Variants in PFKP observed in about 807,000 individuals in gnomAD.
PFKP encodes phosphofructokinase, platelet.
In PFKP, 101 loss-of-function variants were observed where a neutral mutation model predicts 94.3. The observed-to-expected ratio is 1.07, with a 90% CI of 0.91 to 1.26. The LOEUF (loss-of-function observed/expected upper bound fraction) is 1.26. PFKP is among the 50% of genes most tolerant of loss of function. PFKP has a pLI of 0.00. For synonymous variants in PFKP, 573 were observed against 432.6 expected, an observed-to-expected ratio of 1.32 and a Z score of -4.03; for missense variants, 1,145 against 1,103.3, an observed-to-expected ratio of 1.04 and a Z score of -0.53.
Position 3,123,308 on chromosome 10 carries a change from G to T in PFKP, c.1683+3264G>T, listed in dbSNP as rs932163847. ...GCCGTCAGCTGCCGCGAAGGTGGCA[G>T]TGACCACAGCCTCGTGACTGATTCA... is the stretch of plus-strand genomic sequence containing the variant. On this transcript the variant is annotated intron_variant, in intron 16 of 21. Coordinates refer to ENST00000381125, the MANE Select transcript of PFKP (RefSeq NM_002627.5). Among the ~76,000 whole-genome samples the T allele has an allele frequency of 2.0e-5, 3 of 152,372 alleles. No individual in the cohort carries two copies. The South Asian group carries it at 6.2e-4, about 32-fold the overall frequency.
At chr10:3,097,279 G>T (rs986621544) in intron 2 of PFKP, among the ~76,000 whole-genome samples, 2 of 151,812 alleles carry the variant, frequency 1.3e-5, no homozygotes, top group Non-Finnish European at 1.5e-5. Flanking sequence ...GTGAGTCCTT[G>T]TGTGGACAGA....
intron 16 of PFKP, among the ~76,000 whole-genome samples, chr10:3,124,134 C>T (rs9423478): frequency 0.25 from 37,827 of 152,166 alleles, 4,681 homozygotes; most frequent in South Asian, 0.28. Flanking sequence ...GGCTGCAGAG[C>T]CCAGATCGCT....
intron 2 of PFKP, among the ~76,000 whole-genome samples, chr10:3,097,875 A>G (rs1406395961): frequency 6.6e-6 from 1 of 152,184 alleles, no homozygotes. Flanking sequence ...CAGATGTGGT[A>G]GTGTGTTCCT....
chr10:3,118,897 C>G, intron 15 of PFKP, 28 bp downstream of exon 15: 1 of 1,572,332 alleles, frequency 6.4e-7, no homozygotes, highest in Non-Finnish European at 8.7e-7. Flanking sequence ...TCTTGCCGGT[C>G]TTGCAGGTGT....
chr10:3,094,175 C>G (rs1026338405), intron 2 of PFKP, among the ~76,000 whole-genome samples: 1 of 152,188 alleles, frequency 6.6e-6, no homozygotes, highest in African/African-American at 2.4e-5. Flanking sequence ...AAGGTCACTG[C>G]CAGGCCAGTG....
chr10:3,115,609 G>A (rs564232073), intron 13 of PFKP, among the ~76,000 whole-genome samples: 52 of 151,936 alleles, frequency 3.4e-4, no homozygotes, highest in African/African-American at 1.2e-3. Flanking sequence ...TGTGTGTCCC[G>A]TGGCCAAGAA....
At chr10:3,079,524 G>A (rs921812023) in intron 1 of PFKP, among the ~76,000 whole-genome samples, 3 of 151,958 alleles carry the variant, frequency 2.0e-5, no homozygotes, top group South Asian at 2.1e-4. Flanking sequence ...GTGAGCCACC[G>A]TGCCCAGCCT....
At chr10:3,083,154 A>G (rs541386927) in intron 2 of PFKP, among the ~76,000 whole-genome samples, 31 of 152,310 alleles carry the variant, frequency 2.0e-4, no homozygotes, top group Admixed American at 3.3e-4. Context: ...TTAATTTCCA[A>G]TGTAGGCTGA....
Position 3,067,549 on chromosome 10 carries a change from T to A in PFKP, c.-47T>A. 9.5e-7 allele frequency: 1 copy of A among 1,052,474 alleles called. No individual in the cohort carries two copies. The highest frequency in any genetic ancestry group is 1.4e-6 in the Non-Finnish European group (1 of 722,732). 65.2% of individuals were successfully genotyped at this position (1,052,474 alleles called of 1,614,324 possible). On this transcript the variant is annotated 5_prime_UTR_variant, in exon 1 of 22. It adds an upstream start codon to the 5' untranslated region. Transcript: ENST00000381125. Reference sequence around the variant, plus strand: ...CAGGCGCGCGCGGGCAGGGTCCCCATTGCCTGCTGCGCACCCGGACGTGCG... The same window carrying A: ...CAGGCGCGCGCGGGCAGGGTCCCCAATGCCTGCTGCGCACCCGGACGTGCG...
intron 17 of PFKP, among the ~76,000 whole-genome samples, chr10:3,130,559 T>G (rs1264777836): frequency 6.6e-6 from 1 of 152,104 alleles, no homozygotes; most frequent in African/African-American, 2.4e-5. Context: ...AAAATGCAAC[T>G]TGAACAATTG....
chr10:3,121,161 C>T (rs946038431), intron 16 of PFKP, among the ~76,000 whole-genome samples: 2 of 152,178 alleles, frequency 1.3e-5, no homozygotes, highest in South Asian at 2.1e-4. Context: ...ACTTTCTTTG[C>T]GAAGGAAACC....
Position 3,116,762 on chromosome 10 carries a change from T to C in PFKP, c.1372-14T>C, listed in dbSNP as rs968821907. On this transcript the variant is annotated splice_polypyrimidine_tract_variant and intron_variant, in intron 13 of 21. Coordinates refer to ENST00000381125, the MANE Select transcript of PFKP (RefSeq NM_002627.5). ...TGTTCACTTTAGCTGTTTCGTTCTGTGTTTGCACATTAGATCAAAGAAATC... is the reference window on the plus strand; with the variant it reads ...TGTTCACTTTAGCTGTTTCGTTCTGCGTTTGCACATTAGATCAAAGAAATC... The C allele has an allele frequency of 6.2e-7, 1 of 1,607,606 alleles. No homozygotes were observed. The highest frequency in any genetic ancestry group is 8.5e-7 in the Non-Finnish European group (1 of 1,173,970).
At chr10:3,072,051 G>T (rs1011388584) in intron 1 of PFKP, among the ~76,000 whole-genome samples, 1 of 152,208 alleles carries the variant, frequency 6.6e-6, no homozygotes, top group Non-Finnish European at 1.5e-5. Flanking sequence ...CATGCCTGGC[G>T]CTTCGCAGGA....
chr10:3,098,952 G>T (rs116419385), intron 2 of PFKP, among the ~76,000 whole-genome samples: 1 of 152,180 alleles, frequency 6.6e-6, no homozygotes, highest in African/African-American at 2.4e-5. Flanking sequence ...AACACGTTGG[G>T]TGAAAGTGAC....
intron 2 of PFKP, among the ~76,000 whole-genome samples, chr10:3,084,515 C>G (rs1196920431): frequency 2.0e-5 from 3 of 152,080 alleles, no homozygotes; most frequent in African/African-American, 7.3e-5. Flanking sequence ...GCGATTTGGG[C>G]AATTTTAACG....
intron 1 of PFKP, among the ~76,000 whole-genome samples, chr10:3,071,642 G>A (rs1257675686): frequency 1.3e-5 from 2 of 152,132 alleles, no homozygotes; most frequent in African/African-American, 4.8e-5. Flanking sequence ...ACAGGTTGTG[G>A]CTTCTGAAGG....
At chr10:3,133,075 G>A (rs1234687513) in intron 18 of PFKP, 128 bp from the exon 19 acceptor site, 21 of 716,362 alleles carry the variant, frequency 2.9e-5, no homozygotes, top group South Asian at 2.5e-4. Flanking sequence ...TGGAGGGACT[G>A]GTGTTGATGT....
At chr10:3,098,872 C>T (rs1452687633) in intron 2 of PFKP, among the ~76,000 whole-genome samples, 5 of 152,140 alleles carry the variant, frequency 3.3e-5, no homozygotes, top group Non-Finnish European at 4.4e-5. Flanking sequence ...GAGCCCCTGA[C>T]AAAATGCTCC....
At chr10:3,098,698 G>A (rs376811622) in intron 2 of PFKP, among the ~76,000 whole-genome samples, 1 of 124,990 alleles carries the variant, frequency 8.0e-6, no homozygotes. Context: ...AAAGGTAATT[G>A]TCCTTGGGCT....
Sources: allele counts gnomAD v4.1 joint callset (sites outside exome capture counted in the v4.1 genomes callset), GRCh38; gene constraint gnomAD v4.1.1; transcripts MANE v1.5; gene names NCBI Gene and HGNC (gene_info 2026-07-23, HGNC 2026-07-21).